The following TMEM108 variants were observed in gnomAD, a reference collection of about 807,000 sequenced individuals.
The protein encoded by TMEM108 is transmembrane protein 108, also known as cancer/testis antigen 124.
TMEM108 carries 12 observed loss-of-function variants against 35.1 expected under a neutral mutation model. That is an observed-to-expected ratio of 0.34 (90% CI 0.22 to 0.55). The LOEUF is 0.55. Ranked by LOEUF, TMEM108 falls within the 20% of genes least tolerant of loss-of-function variation. The pLI, the probability that TMEM108 is intolerant of heterozygous loss-of-function variation, is 0.89. For missense variants in TMEM108, 680 were observed against 753.3 expected (o/e 0.90, Z 1.14); for synonymous variants, 287 against 308.6 (o/e 0.93, Z 0.73).
Position 133,380,008 on chromosome 3 carries a change from C to G in TMEM108, c.297C>G (p.Thr99=). 1 of 1,614,044 alleles carries G rather than the reference C, an allele frequency of 6.2e-7. No individual in the cohort carries two copies. Among genetic ancestry groups the G allele is most frequent in the South Asian group, 1.1e-5 (1 of 91,070 alleles). ...EGHPPTHTIS[T]IAATVTAPHS... is the part of the protein sequence containing the mutation. ...ACCCTCCTACGCACACCATCTCCAC[C>G]ATCGCTGCGACAGTAACCGCCCCCC... The change falls in exon 4 of 6, where the codon ACC becomes ACG. Residue 99 remains threonine, a synonymous_variant. Transcript: ENST00000321871. This position sits in a 1 kb window ranked among gnomAD's most constrained non-coding sequence, Gnocchi z 5.3.
chr3:133,076,348 A>T (rs764419217), intron 2 of TMEM108, among the ~76,000 whole-genome samples: 11 of 152,076 alleles, frequency 7.2e-5, no homozygotes, highest in Non-Finnish European at 1.2e-4. Flanking sequence ...CTGCCTCATT[A>T]TGCATGTAAA....
chr3:133,283,133 T>C (rs1425381813), intron 3 of TMEM108, among the ~76,000 whole-genome samples: 1 of 152,216 alleles, frequency 6.6e-6, no homozygotes, highest in African/African-American at 2.4e-5. Context: ...ATGTTAAAAA[T>C]ATAATTATTT....
intron 2 of TMEM108, among the ~76,000 whole-genome samples, chr3:133,091,733 A>C (rs890853040): frequency 5.9e-5 from 9 of 152,334 alleles, no homozygotes; most frequent in African/African-American, 2.2e-4. Flanking sequence ...TAATCAAACG[A>C]GGCTAGAAGA....
intron 2 of TMEM108, among the ~76,000 whole-genome samples, chr3:133,117,858 T>C (rs1338120691): frequency 1.3e-5 from 2 of 152,194 alleles, no homozygotes; most frequent in South Asian, 2.1e-4. Context: ...CTTGAACAGT[T>C]CCCGTTGCTT....
intron 3 of TMEM108, among the ~76,000 whole-genome samples, chr3:133,271,232 T>C (rs532673690): frequency 2.0e-5 from 3 of 152,292 alleles, no homozygotes; most frequent in African/African-American, 7.2e-5. Flanking sequence ...TCAAGAGTTC[T>C]GCTGTAGAAC....
intron 2 of TMEM108, among the ~76,000 whole-genome samples, chr3:133,176,839 G>C (rs1479423563): frequency 6.6e-6 from 1 of 151,776 alleles, no homozygotes; most frequent in East Asian, 1.9e-4. Flanking sequence ...AGGAAATAGA[G>C]ACACAAAAAA....
chr3:133,077,911 G>C (rs1440816492), intron 2 of TMEM108, among the ~76,000 whole-genome samples: 1 of 152,178 alleles, frequency 6.6e-6, no homozygotes, highest in African/African-American at 2.4e-5. Context: ...AACAGGCAGA[G>C]TGTGTCTTCC....
intron 3 of TMEM108, among the ~76,000 whole-genome samples, chr3:133,283,764 G>C (rs552171495): frequency 1.3e-5 from 2 of 152,322 alleles, no homozygotes; most frequent in African/African-American, 2.4e-5. Context: ...TGCGAACTTT[G>C]AAATTTCAAA....
At chr3:133,098,818 C>G (rs1427858880) in intron 2 of TMEM108, among the ~76,000 whole-genome samples, 1 of 152,206 alleles carries the variant, frequency 6.6e-6, no homozygotes, top group Non-Finnish European at 1.5e-5. Context: ...GGCAGCTCTG[C>G]TTCTGTGGCT....
chr3:133,192,993 A>G (rs1945523375), intron 2 of TMEM108, among the ~76,000 whole-genome samples: 1 of 152,146 alleles, frequency 6.6e-6, no homozygotes, highest in Admixed American at 6.6e-5. Context: ...AGAAAAATCC[A>G]TGAGAAATCT....
intron 2 of TMEM108, among the ~76,000 whole-genome samples, chr3:133,059,721 T>C (rs963266321): frequency 6.6e-6 from 1 of 152,316 alleles, no homozygotes; most frequent in African/African-American, 2.4e-5. Context: ...ATTCTCTCTG[T>C]TACTTAGGTT....
chr3:133,289,048 A>C (rs545155052), intron 3 of TMEM108, among the ~76,000 whole-genome samples: 1 of 152,098 alleles, frequency 6.6e-6, no homozygotes, highest in Non-Finnish European at 1.5e-5. Flanking sequence ...ATATAGTAAT[A>C]GTAATTTTTA....
chr3:133,247,589 A>G (rs1300295311), intron 3 of TMEM108: 1 of 152,072 alleles, frequency 6.6e-6, no homozygotes, highest in Non-Finnish European at 1.5e-5. Flanking sequence ...TGAAATCACC[A>G]AAAGGACTAT....
intron 2 of TMEM108, among the ~76,000 whole-genome samples, chr3:133,149,275 C>T (rs1321891174): frequency 6.6e-6 from 1 of 152,146 alleles, no homozygotes; most frequent in East Asian, 1.9e-4. Flanking sequence ...TATACACTGT[C>T]ACGTTTCAAA....
chr3:133,365,940 G>C (rs1050885959), intron 3 of TMEM108, among the ~76,000 whole-genome samples: 5 of 151,316 alleles, frequency 3.3e-5, no homozygotes, highest in Non-Finnish European at 7.4e-5. Flanking sequence ...GCAGCTGGCA[G>C]AGTCTGCAGC....
Position 133,380,016 on chromosome 3 carries a change from C to T in TMEM108, c.305C>T (p.Ala102Val), listed in dbSNP as rs567986332. 4.6e-5 allele frequency: 74 copies of T among 1,613,966 alleles called. 1 individual carries two copies. In the South Asian group the frequency reaches 5.8e-4, roughly 13 times the overall value. The change falls in exon 4 of 6, where the codon GCG becomes GTG. Residue 102 changes from alanine to valine, a missense_variant. Physicochemically the swap from Ala to Val is moderately conservative, Grantham distance 64. Coordinates refer to ENST00000321871, the MANE Select transcript of TMEM108 (RefSeq NM_023943.4). The surrounding 1 kb of genome is among the most constrained non-coding windows in gnomAD (Gnocchi z 5.3). ...PPTHTISTIA[A>V]TVTAPHSESS... Reference sequence around the variant, plus strand: ...ACGCACACCATCTCCACCATCGCTGCGACAGTAACCGCCCCCCATTCTGAA... The same window carrying T: ...ACGCACACCATCTCCACCATCGCTGTGACAGTAACCGCCCCCCATTCTGAA...
intron 2 of TMEM108, among the ~76,000 whole-genome samples, chr3:133,063,352 G>T (rs561508847): frequency 6.6e-6 from 1 of 152,252 alleles, no homozygotes; most frequent in East Asian, 1.9e-4. Context: ...GTGAATCAAA[G>T]GTCAGGATTT....
intron 2 of TMEM108, among the ~76,000 whole-genome samples, chr3:133,133,559 T>G (rs889848205): frequency 2.0e-5 from 3 of 152,216 alleles, no homozygotes; most frequent in African/African-American, 7.2e-5. Context: ...CCCTGTGGTA[T>G]GCCTGTAAGG....
At chr3:133,311,205 T>C (rs1243497446) in intron 3 of TMEM108, among the ~76,000 whole-genome samples, 1 of 152,224 alleles carries the variant, frequency 6.6e-6, no homozygotes, top group East Asian at 1.9e-4. Flanking sequence ...GGGGTTGCTC[T>C]TCTCGAAGAG....
Sources: allele counts gnomAD v4.1 joint callset (sites outside exome capture counted in the v4.1 genomes callset), GRCh38; gene constraint gnomAD v4.1.1; non-coding constraint Gnocchi (gnomAD v3.1); transcripts MANE v1.5; gene names NCBI Gene and HGNC (gene_info 2026-07-23, HGNC 2026-07-21).